Variants in MICU3 observed in about 807,000 individuals in gnomAD.
MICU3 encodes the protein calcium uptake protein 3, mitochondrial.
MICU3 carries 62 observed loss-of-function variants against 66.5 expected under a neutral mutation model. The observed-to-expected ratio is 0.93, with a 90% confidence interval of 0.76 to 1.15. MICU3 has a LOEUF of 1.15. Ranked by LOEUF, MICU3 falls within the 50% of genes most tolerant of loss-of-function variation. The pLI, the probability that MICU3 is intolerant of heterozygous loss-of-function variation, is 0.00. For synonymous variants in MICU3, 308 were observed against 240.7 expected (o/e 1.28, Z -2.59); for missense variants, 779 against 664.4 (o/e 1.17, Z -1.90).
At chr8:17,027,800 G>C in intron 1 of MICU3, 140 bp downstream of exon 1, 2 of 1,097,632 alleles carry the variant, frequency 1.8e-6, no homozygotes, top group African/African-American at 3.2e-5. Context: ...CTGACACCTA[G>C]GCCGGACAGC....
chr8:17,123,994 G>A (rs1316678510), downstream of MICU3, among the ~76,000 whole-genome samples: 2 of 148,402 alleles, frequency 1.3e-5, no homozygotes, highest in Non-Finnish European at 3.0e-5. Flanking sequence ...GCTTCTCAGA[G>A]GCAATCACTT....
At position 17,044,121 on chromosome 8, in the gene MICU3, A is replaced by G. The variant is rs1393262933; in HGVS notation, c.381+16461A>G. Among the ~76,000 whole-genome samples, 9 of 152,166 alleles carry G rather than the reference A, an allele frequency of 5.9e-5. No individual in the cohort carries two copies. In the East Asian group the frequency reaches 1.7e-3, roughly 29 times the overall value. ...TTTGTGTCTTTGTTCCTATACCCAC[A>G]CCTTTCACATAGCAGAATTTGGAAC... On this transcript the variant is annotated intron_variant, in intron 1 of 14. Transcript: ENST00000318063.
chr8:17,053,775 G>A (rs928822086), intron 1 of MICU3, among the ~76,000 whole-genome samples: 1 of 152,140 alleles, frequency 6.6e-6, no homozygotes, highest in African/African-American at 2.4e-5. Flanking sequence ...CAATAAAACA[G>A]AAGAAATAGA....
At chr8:17,060,062 A>G (rs1817576079) in intron 1 of MICU3, among the ~76,000 whole-genome samples, 1 of 152,226 alleles carries the variant, frequency 6.6e-6, no homozygotes. Context: ...TTTAATGTCA[A>G]AACATATTCA....
intron 2 of MICU3, among the ~76,000 whole-genome samples, chr8:17,067,141 G>T (rs1220810357): frequency 3.9e-5 from 6 of 152,160 alleles, no homozygotes; most frequent in African/African-American, 1.4e-4. Flanking sequence ...TGTTTTGAAA[G>T]TTGGGGTTTT....
intron 1 of MICU3, among the ~76,000 whole-genome samples, chr8:17,035,067 T>G (rs991811756): frequency 6.6e-6 from 1 of 152,218 alleles, no homozygotes; most frequent in Non-Finnish European, 1.5e-5. Flanking sequence ...CAAGATCTGA[T>G]GTTTTATAAA....
At chr8:17,082,841 A>T (rs1356460329) in intron 5 of MICU3, among the ~76,000 whole-genome samples, 1 of 152,202 alleles carries the variant, frequency 6.6e-6, no homozygotes, top group Non-Finnish European at 1.5e-5. Context: ...GTTAACATTG[A>T]GTTCTGTTAC....
At chr8:17,126,034 GAA>G (rs34218751), downstream of MICU3, among the ~76,000 whole-genome samples, 291 of 111,748 alleles carry the variant, frequency 2.6e-3, 1 homozygote, top group Middle Eastern at 0.014. Flanking sequence ...ATCTCAAAAG[GAA>G]AAAAAAAAAA....
intron 3 of MICU3, 59 bp downstream of exon 3, chr8:17,069,778 A>G (rs542287414): frequency 7.1e-5 from 40 of 563,852 alleles, no homozygotes; most frequent in Middle Eastern, 8.3e-4. Flanking sequence ...ATATATACAT[A>G]TATAATTAAA....
Position 17,047,923 on chromosome 8 carries a change from G to T in MICU3, c.382-16161G>T, listed in dbSNP as rs551362097. On this transcript the variant is annotated intron_variant, in intron 1 of 14. Coordinates refer to ENST00000318063, the MANE Select transcript of MICU3 (RefSeq NM_181723.3). ...TGAGAGCAGTTCTTAACCATTGATT[G>T]TATACAACAACAATTATTATTATTT... Among the ~76,000 whole-genome samples, 8 of 152,308 alleles carry T rather than the reference G, an allele frequency of 5.3e-5. No homozygotes were observed. In the East Asian group the frequency reaches 1.4e-3, roughly 26 times the overall value.
intron 8 of MICU3, among the ~76,000 whole-genome samples, chr8:17,094,746 G>T (rs904674591): frequency 6.6e-6 from 1 of 151,718 alleles, no homozygotes; most frequent in Non-Finnish European, 1.5e-5. Context: ...AAAGTGGCTA[G>T]TTCAGCTTGC....
intron 1 of MICU3, chr8:17,049,662 AC>A (rs1563293006): frequency 7.7e-6 from 4 of 516,568 alleles, no homozygotes; most frequent in Non-Finnish European, 1.2e-5. Context: ...TTCCAATATA[AC>A]AAGTTGTGTA....
chr8:17,063,751 G>A (rs1818237340), intron 1 of MICU3, among the ~76,000 whole-genome samples: 2 of 152,104 alleles, frequency 1.3e-5, no homozygotes, highest in Non-Finnish European at 2.9e-5. Context: ...AAGCGCTGGT[G>A]TTCCTTCTAA....
chr8:17,050,958 T>G (rs561935727), intron 1 of MICU3, among the ~76,000 whole-genome samples: 1 of 152,332 alleles, frequency 6.6e-6, no homozygotes, highest in South Asian at 2.1e-4. Context: ...CACCTGGCAT[T>G]AGATTGGTCC....
intron 1 of MICU3, among the ~76,000 whole-genome samples, chr8:17,056,501 T>C (rs1247131929): frequency 6.6e-6 from 1 of 152,224 alleles, no homozygotes; most frequent in Admixed American, 6.5e-5. Context: ...ATTTATGTTT[T>C]TCTTTTTCTT....
Position 17,056,667 on chromosome 8 carries a change from G to A in MICU3, c.382-7417G>A, listed in dbSNP as rs139222539. 6.2e-3 allele frequency among the ~76,000 whole-genome samples: 937 copies of A among 152,296 alleles called. 3 individuals are homozygous for A. Among genetic ancestry groups the A allele is most frequent in the Middle Eastern group, 0.01 (3 of 294 alleles). Reference sequence around the variant, plus strand: ...TAGGATTTATCCAGATACTGTGTTGGCTCACAGGGAAGCTGTGTGGTCAGA... The same window carrying A: ...TAGGATTTATCCAGATACTGTGTTGACTCACAGGGAAGCTGTGTGGTCAGA... On this transcript the variant is annotated intron_variant, in intron 1 of 14. Transcript: ENST00000318063.
downstream of MICU3, among the ~76,000 whole-genome samples, chr8:17,126,656 C>T (rs1279549638): frequency 2.0e-5 from 3 of 152,148 alleles, no homozygotes; most frequent in South Asian, 6.2e-4. Context: ...CTTAGGATCT[C>T]AGTCTGGTAA....
At chr8:17,051,936 G>A (rs1331805989) in intron 1 of MICU3, among the ~76,000 whole-genome samples, 2 of 152,106 alleles carry the variant, frequency 1.3e-5, no homozygotes, top group East Asian at 1.9e-4. Flanking sequence ...GAATAGCACC[G>A]TGCGTTATGC....
intron 13 of MICU3, among the ~76,000 whole-genome samples, chr8:17,117,462 G>C (rs1468723950): frequency 1.3e-5 from 2 of 151,916 alleles, no homozygotes; most frequent in African/African-American, 4.8e-5. Context: ...TTTAAAGCTG[G>C]AAATATAGTA....
Sources: allele counts gnomAD v4.1 joint callset (sites outside exome capture counted in the v4.1 genomes callset), GRCh38; gene constraint gnomAD v4.1.1; transcripts MANE v1.5; gene names NCBI Gene and HGNC (gene_info 2026-07-23, HGNC 2026-07-21).